BATF: variants seen among roughly 807,000 people sequenced by gnomAD.
BATF encodes basic leucine zipper ATF-like transcription factor, also known as basic leucine zipper transcriptional factor ATF-like.
In BATF, 5 loss-of-function variants were observed where a neutral mutation model predicts 13.7. That is an observed-to-expected ratio of 0.36 (90% CI 0.19 to 0.77). The LOEUF is 0.77. Ranked by LOEUF, BATF falls within the 30% of genes least tolerant of loss-of-function variation. The pLI, the probability that BATF is intolerant of heterozygous loss-of-function variation, is 0.51. For synonymous variants in BATF, 72 were observed against 67.5 expected, an observed-to-expected ratio of 1.07 and a Z score of -0.33; for missense variants, 124 against 163.0, an observed-to-expected ratio of 0.76 and a Z score of 1.30.
In BATF at chr14:75,525,188, G is replaced by C; in HGVS notation, c.168G>C (p.Leu56=). 6.2e-7 allele frequency: 1 copy of C among 1,613,270 alleles called. No homozygotes were observed. The highest frequency in any genetic ancestry group is 8.5e-7 in the Non-Finnish European group (1 of 1,179,644). The change falls in exon 2 of 3, where the codon CTG becomes CTC. Residue 56 remains leucine, a splice_region_variant and synonymous_variant. Coordinates refer to ENST00000286639, the MANE Select transcript of BATF (RefSeq NM_006399.5). ...RQTQKADTLH[L]ESEDLEKQNA... ...CACAGAAGGCCGACACCCTGCACCT[G>C]GTAAGTGTTCAGATCAATCTTCATC... is the stretch of plus-strand genomic sequence containing the variant.
At chr14:75,525,323 C>A in intron 2 of BATF, 135 bp downstream of exon 2, 3 of 880,834 alleles carry the variant, frequency 3.4e-6, no homozygotes, top group South Asian at 1.6e-5. Context: ...AGGGTGAGGG[C>A]CGTGGGGTGA....
chr14:75,534,419 T>C (rs1017052556), intron 2 of BATF, among the ~76,000 whole-genome samples: 1 of 152,224 alleles, frequency 6.6e-6, no homozygotes, highest in African/African-American at 2.4e-5. Context: ...AATTCTTTGT[T>C]GTTGGGGATT....
chr14:75,538,880 G>A (rs527266909), intron 2 of BATF, among the ~76,000 whole-genome samples: 19 of 152,218 alleles, frequency 1.2e-4, no homozygotes, highest in African/African-American at 4.3e-4. Context: ...CAGCCTGGGC[G>A]ACAGAGCGAG....
chr14:75,524,212 C>T (rs1887618487), intron 1 of BATF, among the ~76,000 whole-genome samples: 1 of 152,212 alleles, frequency 6.6e-6, no homozygotes, highest in Non-Finnish European at 1.5e-5. Flanking sequence ...ACAGGACATG[C>T]CTCTCTCTGG....
intron 1 of BATF, among the ~76,000 whole-genome samples, chr14:75,524,290 A>G (rs907128965): frequency 6.6e-6 from 1 of 152,212 alleles, no homozygotes; most frequent in Non-Finnish European, 1.5e-5. Flanking sequence ...CACCACAGCC[A>G]GGTCACCTCC....
chr14:75,537,009 T>C (rs1021914684), intron 2 of BATF, among the ~76,000 whole-genome samples: 3 of 152,158 alleles, frequency 2.0e-5, no homozygotes, highest in Non-Finnish European at 4.4e-5. Context: ...TAGAAATCAA[T>C]CAGATATATT....
At chr14:75,541,105 A>C (rs551973313) in intron 2 of BATF, among the ~76,000 whole-genome samples, 1 of 152,294 alleles carries the variant, frequency 6.6e-6, no homozygotes, top group African/African-American at 2.4e-5. Context: ...TAAATAAACA[A>C]ATAAATGATA....
intron 2 of BATF, among the ~76,000 whole-genome samples, chr14:75,538,317 G>A (rs1887846011): frequency 6.6e-6 from 1 of 152,130 alleles, no homozygotes; most frequent in Admixed American, 6.6e-5. Context: ...GCTCACTTAG[G>A]AAGCATTTTT....
At position 75,546,617 on chromosome 14, in the gene BATF, C is replaced by T. The variant is rs753527221; in HGVS notation, c.324C>T (p.Tyr108=). Residue 108 remains tyrosine (Y), a synonymous_variant, in exon 3 of 3, where the codon TAC becomes TAT. Coordinates refer to ENST00000286639, the MANE Select transcript of BATF (RefSeq NM_006399.5). The stretch of plus-strand genomic sequence containing the variant: ...CGCCCTCGCCCCCCGAGGTGGTGTA[C>T]AGCGCCCACGCATTCCACCAACCTC... ...ASTPSPPEVV[Y]SAHAFHQPHV... is the part of the protein sequence containing the mutation. 23 of 1,613,398 alleles carry T rather than the reference C, an allele frequency of 1.4e-5. No individual in the cohort carries two copies. In the Admixed American group the frequency reaches 3.0e-4, roughly 21 times the overall value.
chr14:75,525,615 C>T (rs190850632), intron 2 of BATF, among the ~76,000 whole-genome samples: 23 of 147,084 alleles, frequency 1.6e-4, no homozygotes, highest in African/African-American at 5.3e-4. Flanking sequence ...GCCGAGATCG[C>T]GCCATTGCAT....
chr14:75,535,739 G>A (rs997656489), intron 2 of BATF, among the ~76,000 whole-genome samples: 1 of 152,146 alleles, frequency 6.6e-6, no homozygotes, highest in Admixed American at 6.5e-5. Context: ...CCCAGTAAAT[G>A]TCTGGTCACC....
Position 75,522,518 on chromosome 14 carries a change from T to G in BATF, c.-165T>G. The G allele has an allele frequency of 1.5e-6, 1 of 651,206 alleles. No homozygotes were observed. Among genetic ancestry groups the G allele is most frequent in the Non-Finnish European group, 2.7e-6 (1 of 373,888 alleles). 40.3% of individuals were successfully genotyped at this position (651,206 alleles called of 1,614,324 possible). A position where few individuals can be genotyped will look rare whatever the true frequency, so the allele number is the denominator to read the frequency against. ...GGAGCAGTCCCTCTGCACCCCAGAGTGAGGAGGACGCAGGGGTCAGAGGTG... is the reference window on the plus strand; with the variant it reads ...GGAGCAGTCCCTCTGCACCCCAGAGGGAGGAGGACGCAGGGGTCAGAGGTG... On this transcript the variant is annotated 5_prime_UTR_variant, in exon 1 of 3. Transcript: ENST00000286639.
At chr14:75,538,659 TG>T (rs1280299721) in intron 2 of BATF, among the ~76,000 whole-genome samples, 1 of 152,232 alleles carries the variant, frequency 6.6e-6, no homozygotes, top group African/African-American at 2.4e-5. Flanking sequence ...CCCAACACTT[TG>T]GGAGCCCGAG....
chr14:75,530,830 T>C (rs1362235638), intron 2 of BATF, among the ~76,000 whole-genome samples: 1 of 152,092 alleles, frequency 6.6e-6, no homozygotes, highest in East Asian at 1.9e-4. Flanking sequence ...GTGTTTTTAA[T>C]AAAAAGAAAA....
chr14:75,536,345 C>T (rs914077406), intron 2 of BATF, among the ~76,000 whole-genome samples: 10 of 152,046 alleles, frequency 6.6e-5, no homozygotes, highest in African/African-American at 2.2e-4. Flanking sequence ...GGCCAAGCTG[C>T]GAGGCCAGGC....
At chr14:75,528,362 G>A in intron 2 of BATF, among the ~76,000 whole-genome samples, 1 of 152,190 alleles carries the variant, frequency 6.6e-6, no homozygotes, top group East Asian at 1.9e-4. Context: ...TGTTCCTCTA[G>A]TGAGAGTGTG....
At position 75,527,983 on chromosome 14, in the gene BATF, G is replaced by C. The variant is rs560981993; in HGVS notation, c.168+2795G>C. On this transcript the variant is annotated intron_variant, in intron 2 of 2. Transcript: ENST00000286639. ...TCTGCCCTACATCAAATTAGCTGTG[G>C]TTTGACATCTTCCTTTCCTCCGAGA... Among the ~76,000 whole-genome samples, 49 of 152,294 alleles carry C rather than the reference G, an allele frequency of 3.2e-4. No individual in the cohort carries two copies. In the South Asian group the frequency reaches 0.01, roughly 32 times the overall value.
Position 75,522,668 on chromosome 14 carries a change from C to G in BATF, c.-15C>G, listed in dbSNP as rs776061792. ...GTGCCTGGGGCTGAGTGTGAGAGCC[C>G]GGAAGATTTCAGCCATGCCTCACAG... On this transcript the variant is annotated 5_prime_UTR_variant, in exon 1 of 3. Coordinates refer to ENST00000286639, the MANE Select transcript of BATF (RefSeq NM_006399.5). 84 of 1,613,908 alleles carry G rather than the reference C, an allele frequency of 5.2e-5. No individual in the cohort carries two copies. The highest frequency in any genetic ancestry group is 6.6e-5 in the Non-Finnish European group (78 of 1,179,994).
chr14:75,525,161 G>C lies in BATF; in HGVS notation c.141G>C (p.Gln47His). Reference sequence around the variant, plus strand: ...CCGCCCAGAAGAGCCGACAGAGGCAGACACAGAAGGCCGACACCCTGCACC... The same window carrying C: ...CCGCCCAGAAGAGCCGACAGAGGCACACACAGAAGGCCGACACCCTGCACC... ...RIAAQKSRQRQTQKADTLHLE... is the reference protein window; with the variant it reads ...RIAAQKSRQRHTQKADTLHLE... Residue 47 changes from glutamine to histidine, a missense_variant, in exon 2 of 3, where the codon CAG becomes CAC. This residue lies in a region of BATF where 65 missense variants were observed against 113.3 expected (regional missense o/e 0.57). Coordinates refer to ENST00000286639, the MANE Select transcript of BATF (RefSeq NM_006399.5). The C allele has an allele frequency of 6.2e-7, 1 of 1,614,064 alleles. No homozygotes were observed. Among genetic ancestry groups the C allele is most frequent in the Non-Finnish European group, 8.5e-7 (1 of 1,179,988 alleles).
Sources: gnomAD v4.1 joint callset for allele counts (sites outside exome capture counted in the v4.1 genomes callset) on GRCh38, gnomAD v4.1.1 for gene constraint, gnomAD v4.1.1 regional missense constraint, MANE v1.5 for transcripts, NCBI Gene and HGNC (gene_info 2026-07-23, HGNC 2026-07-21) for gene names.